NUP205: variants seen among roughly 807,000 people sequenced by gnomAD.
The protein encoded by NUP205 is nucleoporin 205.
A neutral mutation model predicts 253.8 loss-of-function variants in NUP205; 76 were observed. The ratio of observed to expected loss-of-function variants is 0.30; its 90% CI spans 0.25 to 0.36. The LOEUF is 0.36. NUP205 is among the 10% of genes least tolerant of loss of function. The pLI is 1.00. For missense variants in NUP205, 2,162 were observed against 2,425.5 expected, an observed-to-expected ratio of 0.89 and a Z score of 2.28; for synonymous variants, 832 against 850.1, an observed-to-expected ratio of 0.98 and a Z score of 0.37.
At chr7:135,594,206 T>C (rs1323863854) in intron 12 of NUP205, among the ~76,000 whole-genome samples, 2 of 152,212 alleles carry the variant, frequency 1.3e-5, no homozygotes, top group Non-Finnish European at 2.9e-5. Flanking sequence ...ATACTTTATA[T>C]TGCAGTATAA....
In NUP205 at chr7:135,611,727, T is replaced by C. The variant is rs370607228; in HGVS notation, c.3196-2432T>C. On this transcript the variant is annotated intron_variant, in intron 22 of 42. Coordinates refer to ENST00000285968, the MANE Select transcript of NUP205 (RefSeq NM_015135.3). ...ATGCCATGTGCCTGTTAATCCCAGG[T>C]ACTTGGGAGGCTGAGGCAGGAGAAT... Among the ~76,000 whole-genome samples the C allele has an allele frequency of 2.6e-5, 4 of 152,226 alleles. No homozygotes were observed. In the East Asian group the frequency reaches 7.7e-4, roughly 29 times the overall value.
chr7:135,607,810 C>CTT (rs200428939), intron 22 of NUP205, among the ~76,000 whole-genome samples: 1 of 146,378 alleles, frequency 6.8e-6, no homozygotes, highest in Admixed American at 6.9e-5. Context: ...AGTGAAAGCA[C>CTT]TTTTTTTTTT....
chr7:135,628,904 G>A (rs1027079716), intron 34 of NUP205, among the ~76,000 whole-genome samples: 1 of 152,134 alleles, frequency 6.6e-6, no homozygotes, highest in Non-Finnish European at 1.5e-5. Context: ...CTTCTTTTAG[G>A]CCTATGTGGT....
intron 15 of NUP205, among the ~76,000 whole-genome samples, chr7:135,598,427 TGATA>T (rs1793894145): frequency 6.6e-6 from 1 of 152,220 alleles, no homozygotes; most frequent in African/African-American, 2.4e-5. Context: ...GTAATCTAAT[TGATA>T]GGAGTTCATA....
chr7:135,573,933 C>A, intron 3 of NUP205, 108 bp downstream of exon 3: 1 of 870,842 alleles, frequency 1.1e-6, no homozygotes, highest in Non-Finnish European at 1.7e-6. Context: ...TCTAAGGCTG[C>A]AGTTTGGTAA....
At chr7:135,590,778 G>T (rs138963892) in intron 10 of NUP205, among the ~76,000 whole-genome samples, 1 of 151,370 alleles carries the variant, frequency 6.6e-6, no homozygotes, top group African/African-American at 2.4e-5. Context: ...TGATCTGCCC[G>T]CCTTGGCCTC....
At chr7:135,641,265 C>T (rs1031876880) in intron 38 of NUP205, among the ~76,000 whole-genome samples, 1 of 152,134 alleles carries the variant, frequency 6.6e-6, no homozygotes, top group African/African-American at 2.4e-5. Flanking sequence ...TATCTTCCTA[C>T]CAGGGTAGAG....
Position 135,576,417 on chromosome 7 carries a change from C to A in NUP205, c.488+3C>A. 1 of 1,602,464 alleles carries A rather than the reference C, an allele frequency of 6.2e-7. No individual in the cohort carries two copies. Among genetic ancestry groups the A allele is most frequent in the South Asian group, 1.1e-5 (1 of 88,130 alleles). ...AAGACATGGACCCTAGAACTCAGGT[C>A]TTTTTACTTCTTGGGATTTCAGGGG... On this transcript the variant is annotated splice_donor_region_variant and intron_variant, in intron 4 of 42. Transcript: ENST00000285968.
Position 135,638,724 on chromosome 7 carries a change from G to T in NUP205, c.5392+41G>T, listed in dbSNP as rs77329735. ...CATTCTGTATTGAAGGAACTAAGTT[G>T]CTATGGTTATGACATAGCTCTCCAG... On this transcript the variant is annotated intron_variant, in intron 38 of 42. Coordinates refer to ENST00000285968, the MANE Select transcript of NUP205 (RefSeq NM_015135.3). 12,239 of 1,612,176 alleles carry T rather than the reference G, an allele frequency of 7.6e-3. 204 individuals carry two copies. The highest frequency in any genetic ancestry group is 0.062 in the East Asian group (2,786 of 44,852).
In NUP205 at chr7:135,600,661, AT is replaced by A. The variant is rs138292498; in HGVS notation, c.2275-205del. Among the ~76,000 whole-genome samples the A allele has an allele frequency of 0.034, 5,168 of 152,322 alleles. 119 individuals carry two copies. The highest frequency in any genetic ancestry group is 0.1 in the Middle Eastern group (30 of 294). On this transcript the variant is annotated intron_variant, in intron 15 of 42. Transcript: ENST00000285968. ...TCTTTAAGAATAATGCATTGAAAAT[AT>A]TTTACCTTGAAAATGAGCCAATTCA...
chr7:135,613,664 G>A (rs1184205521), intron 22 of NUP205: 5 of 151,600 alleles, frequency 3.3e-5, no homozygotes, highest in African/African-American at 7.3e-5. Context: ...AGCCTTCCGA[G>A]TAGTTGGGAT....
Position 135,573,717 on chromosome 7 carries a change from G to A in NUP205, c.235G>A (p.Gly79Ser), listed in dbSNP as rs1387296852. ...CAGTACAGAGGGAGTCGCCATTCAG[G>A]GTCAACAGGGAACTCGACTTCTTCC... ...KASTEGVAIQ[G>S]QQGTRLLPEQ... Residue 79 changes from glycine to serine, a missense_variant, in exon 3 of 43, where the codon GGT becomes AGT. Transcript: ENST00000285968. 5 of 1,613,928 alleles carry A rather than the reference G, an allele frequency of 3.1e-6. No individual in the cohort carries two copies. Among genetic ancestry groups the A allele is most frequent in the Non-Finnish European group, 3.4e-6 (4 of 1,179,916 alleles).
chr7:135,570,809 A>G (rs1380276453), intron 1 of NUP205, among the ~76,000 whole-genome samples: 1 of 103,342 alleles, frequency 9.7e-6, no homozygotes, highest in Non-Finnish European at 1.8e-5. Flanking sequence ...ATTAATATAT[A>G]TTAATTATAT....
chr7:135,588,013 C>A, intron 10 of NUP205, 21 bp downstream of exon 10: 1 of 1,595,118 alleles, frequency 6.3e-7, no homozygotes, highest in Non-Finnish European at 8.5e-7. Flanking sequence ...AGGTTTTCCT[C>A]TTTTATACTC....
intron 1 of NUP205, among the ~76,000 whole-genome samples, chr7:135,559,951 T>G (rs1805537860): frequency 6.6e-6 from 1 of 151,820 alleles, no homozygotes; most frequent in Non-Finnish European, 1.5e-5. Flanking sequence ...GTCCGCCTCC[T>G]GGGTTCAAGC....
chr7:135,574,495 A>G (rs1026356780), intron 3 of NUP205, among the ~76,000 whole-genome samples: 8 of 152,130 alleles, frequency 5.3e-5, no homozygotes, highest in African/African-American at 1.7e-4. Context: ...ACCCAGACCT[A>G]TTGGGTAAGG....
At chr7:135,569,007 G>A (rs1415686523) in intron 1 of NUP205, among the ~76,000 whole-genome samples, 1 of 152,148 alleles carries the variant, frequency 6.6e-6, no homozygotes, top group East Asian at 1.9e-4. Context: ...CTGGTGAGCT[G>A]TAAGACAAAG....
At chr7:135,570,745 A>AT in intron 1 of NUP205, among the ~76,000 whole-genome samples, 1 of 73,058 alleles carries the variant, frequency 1.4e-5, no homozygotes, top group Non-Finnish European at 2.7e-5. Context: ...ATATTAATAT[A>AT]TTAATTATAT....
chr7:135,587,646 AC>A lies in NUP205; in HGVS notation c.1296del (p.Ile433PhefsTer10). ...IHMSMQMGNE[P>X]PISLRRDLEH... ...ACATGAGTATGCAGATGGGTAATGA[AC>A]CCCCCATTTCACTTAGAAGGGACCT... On this transcript the variant is annotated frameshift_variant, in exon 9 of 43. Transcript: ENST00000285968. LOFTEE classifies it high-confidence loss of function. 6.2e-7 allele frequency: 1 copy of A among 1,610,860 alleles called. No homozygotes were observed. The highest frequency in any genetic ancestry group is 8.5e-7 in the Non-Finnish European group (1 of 1,178,506).
Sources: gnomAD v4.1 joint callset for allele counts (sites outside exome capture counted in the v4.1 genomes callset) on GRCh38, gnomAD v4.1.1 for gene constraint, MANE v1.5 for transcripts, NCBI Gene and HGNC (gene_info 2026-07-23, HGNC 2026-07-21) for gene names.